ASB3: variants seen among roughly 807,000 people sequenced by gnomAD.
ASB3 encodes the protein ankyrin repeat and SOCS box protein 3.
ASB3 carries 41 observed loss-of-function variants against 54.5 expected under a neutral mutation model. The ratio of observed to expected loss-of-function variants is 0.75; its 90% CI spans 0.59 to 0.98. The LOEUF (loss-of-function observed/expected upper bound fraction) is 0.98. Ranked by LOEUF, ASB3 falls within the 50% of genes least tolerant of loss-of-function variation. ASB3 has a pLI of 0.00. For synonymous variants in ASB3, 266 were observed against 221.2 expected, an observed-to-expected ratio of 1.20 and a Z score of -1.80; for missense variants, 733 against 620.0, an observed-to-expected ratio of 1.18 and a Z score of -1.94.
At chr2:53,735,884 G>A (rs1265886223) in intron 3 of ASB3, among the ~76,000 whole-genome samples, 1 of 151,678 alleles carries the variant, frequency 6.6e-6, no homozygotes, top group Non-Finnish European at 1.5e-5. Flanking sequence ...ATGGTTTTGG[G>A]TCCACTGAAT....
chr2:53,754,094 G>C (rs1672682147), intron 2 of ASB3, among the ~76,000 whole-genome samples: 1 of 152,042 alleles, frequency 6.6e-6, no homozygotes. Flanking sequence ...AACAATGGGG[G>C]CATGCAAAAG....
intron 2 of ASB3, among the ~76,000 whole-genome samples, chr2:53,752,372 A>C (rs2104013158): frequency 6.6e-6 from 1 of 152,288 alleles, no homozygotes; most frequent in Middle Eastern, 3.4e-3. Context: ...GAAAGCTCCC[A>C]GCTAAAAAAG....
chr2:53,684,951 T>TAA, intron 9 of ASB3, among the ~76,000 whole-genome samples: 1 of 152,304 alleles, frequency 6.6e-6, no homozygotes, highest in South Asian at 2.1e-4. Flanking sequence ...GGAGGAATGT[T>TAA]AGAGGATCTT....
rs550964874 is a variant in ASB3, at chr2:53,675,775, T to C, written c.1370-5085A>G. On this transcript the variant is annotated intron_variant, in intron 9 of 9. Coordinates refer to ENST00000263634, the MANE Select transcript of ASB3 (RefSeq NM_016115.5). ...TTTAAGTATGTCAATGAAAGAGTTT[T>C]TCCAGGTGATATATACTACTTTTCA... Among the ~76,000 whole-genome samples the C allele has an allele frequency of 3.3e-5, 5 of 152,330 alleles. No homozygotes were observed. The South Asian group carries it at 1.0e-3, about 32-fold the overall frequency.
At chr2:53,706,871 C>G (rs1476052317) in intron 7 of ASB3, among the ~76,000 whole-genome samples, 1 of 152,232 alleles carries the variant, frequency 6.6e-6, no homozygotes, top group Non-Finnish European at 1.5e-5. Flanking sequence ...TTCTCACAAT[C>G]TGGTAAACAT....
chr2:53,737,878 A>G (rs1265281681), intron 3 of ASB3, among the ~76,000 whole-genome samples: 2 of 152,194 alleles, frequency 1.3e-5, no homozygotes, highest in African/African-American at 2.4e-5. Flanking sequence ...CAAACTGAAC[A>G]CTGTCCTATT....
At chr2:53,756,062 A>G (rs537968545) in intron 2 of ASB3, among the ~76,000 whole-genome samples, 1 of 151,992 alleles carries the variant, frequency 6.6e-6, no homozygotes, top group South Asian at 2.1e-4. Context: ...GTTATTCCAG[A>G]GACTGAGATG....
rs188797125 is a variant in ASB3 at position 53,718,742 on chromosome 2, G to A, written c.605-1999C>T. Among the ~76,000 whole-genome samples, 349 of 150,650 alleles carry A rather than the reference G, an allele frequency of 2.3e-3. 1 individual carries two copies. Among genetic ancestry groups the A allele is most frequent in the African/African-American group, 8.2e-3 (334 of 40,968 alleles). On this transcript the variant is annotated intron_variant, in intron 5 of 9. Transcript: ENST00000263634. ...TTTTACGAAACATCCTGCCTAAAAG[G>A]CACACAGCTGCAATTTGGATTAAAA...
chr2:53,729,337 G>A, intron 4 of ASB3, 121 bp downstream of exon 4: 1 of 896,576 alleles, frequency 1.1e-6, no homozygotes, highest in East Asian at 2.6e-5. Context: ...TGCCTTTTCT[G>A]TACTGCACTA....
chr2:53,740,376 G>A (rs1417323429), intron 3 of ASB3, among the ~76,000 whole-genome samples: 1 of 152,084 alleles, frequency 6.6e-6, no homozygotes, highest in Non-Finnish European at 1.5e-5. Context: ...GACATCTGGT[G>A]GCACTAGAAA....
chr2:53,728,005 C>G (rs750844284), intron 5 of ASB3, among the ~76,000 whole-genome samples: 3 of 151,994 alleles, frequency 2.0e-5, no homozygotes, highest in Non-Finnish European at 4.4e-5. Flanking sequence ...GGATTACAGG[C>G]ATGAGCAACC....
At chr2:53,696,220 A>ATG in intron 8 of ASB3, among the ~76,000 whole-genome samples, 1 of 152,340 alleles carries the variant, frequency 6.6e-6, no homozygotes, top group Non-Finnish European at 1.5e-5. Flanking sequence ...AGTAAAAAAC[A>ATG]TGTAATTGGC....
intron 1 of ASB3, among the ~76,000 whole-genome samples, chr2:53,785,300 A>G (rs1198627982): frequency 1.3e-5 from 2 of 152,206 alleles, no homozygotes; most frequent in Non-Finnish European, 2.9e-5. Flanking sequence ...CATCAGCTCT[A>G]TTGAACACAG....
In ASB3 at chr2:53,731,158, T is replaced by C. The variant is rs552859881; in HGVS notation, c.356-1588A>G. ...GGCTCCCGCCTGTAATCCCAGCACT[T>C]TGGGAGGCTAAGGCGGGTGGACCAC... On this transcript the variant is annotated intron_variant, in intron 3 of 9. Coordinates refer to ENST00000263634, the MANE Select transcript of ASB3 (RefSeq NM_016115.5). Among the ~76,000 whole-genome samples the C allele has an allele frequency of 5.3e-5, 8 of 152,192 alleles. No individual in the cohort carries two copies. The East Asian group carries it at 1.5e-3, about 29-fold the overall frequency.
intron 7 of ASB3, among the ~76,000 whole-genome samples, chr2:53,713,132 G>C (rs1306709076): frequency 6.6e-6 from 1 of 152,192 alleles, no homozygotes; most frequent in Non-Finnish European, 1.5e-5. Context: ...TTGAGGCCAG[G>C]AGTTCGAGAC....
intron 8 of ASB3, among the ~76,000 whole-genome samples, chr2:53,696,650 A>G (rs532530285): frequency 6.6e-6 from 1 of 152,326 alleles, no homozygotes; most frequent in South Asian, 2.1e-4. Flanking sequence ...AGAACTATAG[A>G]TAGCCCTCCA....
chr2:53,725,288 G>A (rs573914776), intron 5 of ASB3, among the ~76,000 whole-genome samples: 54 of 152,336 alleles, frequency 3.5e-4, no homozygotes, highest in Non-Finnish European at 6.2e-4. Context: ...CTAATAGAGA[G>A]GGGAGGCAGG....
At chr2:53,775,621 A>G (rs1396504619) in intron 1 of ASB3, among the ~76,000 whole-genome samples, 1 of 152,164 alleles carries the variant, frequency 6.6e-6, no homozygotes, top group African/African-American at 2.4e-5. Context: ...GATTACAGGC[A>G]TGTGCCACCA....
chr2:53,695,711 G>C (rs1389806464), intron 8 of ASB3, among the ~76,000 whole-genome samples: 1 of 152,068 alleles, frequency 6.6e-6, no homozygotes. Flanking sequence ...GTATAGACCA[G>C]TTGTACAATC....
Sources: allele counts gnomAD v4.1 joint callset (sites outside exome capture counted in the v4.1 genomes callset), GRCh38; gene constraint gnomAD v4.1.1; transcripts MANE v1.5; gene names NCBI Gene and HGNC (gene_info 2026-07-23, HGNC 2026-07-21).